The following HACL2 variants were observed in gnomAD, a reference collection of about 807,000 sequenced individuals.
The protein encoded by HACL2 is 2-hydroxyacyl-CoA lyase 1 like.
the HACL2 span, chr19:15,119,222 T>C: frequency 6.2e-7 from 1 of 1,608,028 alleles, no homozygotes; most frequent in Non-Finnish European, 8.5e-7. Flanking sequence ...CTCCCGGATG[T>C]GGAGGGGGTG....
chr19:15,120,690 C>T, the HACL2 span, among the ~76,000 whole-genome samples: 1 of 152,218 alleles, frequency 6.6e-6, no homozygotes, highest in Non-Finnish European at 1.5e-5. Context: ...GAAAGACAGA[C>T]ACATGGGCAT....
At chr19:15,115,969 G>GAGC in the HACL2 span, 785 of 1,613,998 alleles carry the variant, frequency 4.9e-4, no homozygotes, top group Non-Finnish European at 6.2e-4. Context: ...AGGACCTAGA[G>GAGC]AGCAGCAAGT....
At chr19:15,121,442 G>A in the HACL2 span, among the ~76,000 whole-genome samples, 1 of 152,234 alleles carries the variant, frequency 6.6e-6, no homozygotes, top group Middle Eastern at 3.4e-3. Context: ...CCAAGGACAG[G>A]CAAAGGGAAG....
At chr19:15,116,235 ATTGAG>A in the HACL2 span, 9 of 1,613,972 alleles carry the variant, frequency 5.6e-6, no homozygotes, top group Non-Finnish European at 7.6e-6. Context: ...CACCACCAGA[ATTGAG>A]TTGTCAGGTA....
the HACL2 span, chr19:15,119,109 G>A: frequency 1.3e-6 from 2 of 1,503,972 alleles, no homozygotes; most frequent in Admixed American, 2.3e-5. Context: ...GTGAAGCTGG[G>A]TAACAGGGTG....
chr19:15,119,737 G>C, the HACL2 span, among the ~76,000 whole-genome samples: 1 of 152,092 alleles, frequency 6.6e-6, no homozygotes, highest in Non-Finnish European at 1.5e-5. Flanking sequence ...TTTCAGTAGA[G>C]ACAGGGTTTC....
chr19:15,120,974 G>C, the HACL2 span, among the ~76,000 whole-genome samples: 1 of 152,208 alleles, frequency 6.6e-6, no homozygotes, highest in Admixed American at 6.5e-5. Context: ...AGATAGCCTT[G>C]TGAGAGGCAG....
At chr19:15,116,325 C>T in the HACL2 span, 41 of 1,613,854 alleles carry the variant, frequency 2.5e-5, no homozygotes, top group East Asian at 4.5e-5. Flanking sequence ...CTTCTCCCTG[C>T]GACAGGACAG....
the HACL2 span, chr19:15,119,245 C>G: frequency 1.2e-6 from 2 of 1,609,866 alleles, no homozygotes; most frequent in Non-Finnish European, 1.7e-6. Context: ...TGCGGCCTAA[C>G]AGCCCCCGTG....
chr19:15,123,046 G>T, the HACL2 span: 1 of 1,607,354 alleles, frequency 6.2e-7, no homozygotes, highest in Non-Finnish European at 8.5e-7. The surrounding 1 kb of genome is among the most constrained non-coding windows in gnomAD (Gnocchi z 5.1). Flanking sequence ...AAAGACAGAG[G>T]TGTGGCAGGG....
At chr19:15,115,722 C>T in the HACL2 span, 15 of 1,586,978 alleles carry the variant, frequency 9.5e-6, no homozygotes, top group South Asian at 2.2e-5. Flanking sequence ...CATGGCTTGG[C>T]CAGCCAGAGG....
the HACL2 span, among the ~76,000 whole-genome samples, chr19:15,122,201 G>A: frequency 1.7e-4 from 26 of 150,890 alleles, no homozygotes; most frequent in South Asian, 4.0e-3. The surrounding 1 kb of genome is among the most constrained non-coding windows in gnomAD (Gnocchi z 4.0). Context: ...CACCGCACCC[G>A]GCCTGGGCTC....
At chr19:15,119,143 G>A in the HACL2 span, 3 of 1,524,580 alleles carry the variant, frequency 2.0e-6, no homozygotes, top group Non-Finnish European at 1.8e-6. Flanking sequence ...GGGAAGGAGG[G>A]AAAGGAAGAG....
At chr19:15,117,763 C>T in the HACL2 span, 3 of 1,130,588 alleles carry the variant, frequency 2.7e-6, no homozygotes, top group Admixed American at 5.9e-5. Flanking sequence ...GACTGGCTAC[C>T]CCTAGGGCAA....
the HACL2 span, among the ~76,000 whole-genome samples, chr19:15,120,715 C>T: frequency 2.6e-5 from 4 of 152,190 alleles, no homozygotes; most frequent in African/African-American, 4.8e-5. Context: ...AGGAAACAGT[C>T]GGAGCTCAGA....
At chr19:15,116,450 T>G in the HACL2 span, 1 of 1,613,842 alleles carries the variant, frequency 6.2e-7, no homozygotes, top group Non-Finnish European at 8.5e-7. Flanking sequence ...CCGCAGCTCC[T>G]CCACCCAGTC....
chr19:15,116,161 G>A, the HACL2 span: 1 of 1,613,440 alleles, frequency 6.2e-7, no homozygotes, highest in Admixed American at 1.7e-5. Flanking sequence ...CCAGGATCGA[G>A]CCAGCGCAGG....
the HACL2 span, among the ~76,000 whole-genome samples, chr19:15,121,435 A>C: frequency 6.6e-6 from 1 of 152,160 alleles, no homozygotes; most frequent in Admixed American, 6.5e-5. Flanking sequence ...GGAAGGGCCA[A>C]GGACAGGCAA....
At chr19:15,115,731 G>A in the HACL2 span, 96 of 1,580,864 alleles carry the variant, frequency 6.1e-5, no homozygotes, top group Admixed American at 1.8e-4. Flanking sequence ...GCCAGCCAGA[G>A]GACAGAGACA....
Sources: gnomAD v4.1 joint callset for allele counts (sites outside exome capture counted in the v4.1 genomes callset) on GRCh38, gnomAD v4.1.1 for gene constraint, Gnocchi (gnomAD v3.1) non-coding constraint, MANE v1.5 for transcripts, NCBI Gene and HGNC (gene_info 2026-07-23, HGNC 2026-07-21) for gene names.